Variants in OCA2 observed in about 807,000 individuals in gnomAD.
The protein encoded by OCA2 is P protein.
A neutral mutation model predicts 100.2 loss-of-function variants in OCA2; 77 were observed. The observed-to-expected ratio is 0.77, with a 90% CI of 0.64 to 0.93. OCA2 has a LOEUF of 0.93. Among genes scored for constraint, OCA2 ranks in the 40% least tolerant of loss-of-function variants. The pLI, the probability that OCA2 is intolerant of heterozygous loss-of-function variation, is 0.00. For missense variants in OCA2, 1,062 were observed against 1,089.1 expected (o/e 0.98, Z 0.35); for synonymous variants, 432 against 439.2 (o/e 0.98, Z 0.21).
chr15:28,004,652 A>G (rs905810031), intron 9 of OCA2, among the ~76,000 whole-genome samples: 12 of 151,694 alleles, frequency 7.9e-5, no homozygotes, highest in African/African-American at 2.9e-4. Context: ...GGTCTGACAC[A>G]CACCCTCACA....
Position 28,057,452 on chromosome 15 carries a change from C to A in OCA2, c.227+24196G>T, listed in dbSNP as rs563720853. ...CCATGCCCTTGTCAGGGTATCTGTG[C>A]CCCTGAGATGTCCTGGAGACCAGTG... is the stretch of plus-strand genomic sequence containing the variant. On this transcript the variant is annotated intron_variant, in intron 2 of 23. Transcript: ENST00000354638. Among the ~76,000 whole-genome samples, 137 of 152,188 alleles carry A rather than the reference C, an allele frequency of 9.0e-4. 1 individual carries two copies. The highest frequency in any genetic ancestry group is 3.2e-3 in the African/African-American group (133 of 41,526).
intron 14 of OCA2, among the ~76,000 whole-genome samples, chr15:27,981,257 T>C (rs1170407577): frequency 6.6e-6 from 1 of 152,248 alleles, no homozygotes; most frequent in Non-Finnish European, 1.5e-5. Context: ...AATAACACTT[T>C]TAATGTCCTA....
At chr15:27,760,512 C>A (rs1403969082) in intron 23 of OCA2, among the ~76,000 whole-genome samples, 1 of 150,962 alleles carries the variant, frequency 6.6e-6, no homozygotes, top group Non-Finnish European at 1.5e-5. Flanking sequence ...GGAGAAAAAC[C>A]AATGAAACAA....
chr15:27,868,225 G>A (rs898943964), intron 21 of OCA2, among the ~76,000 whole-genome samples: 5 of 152,148 alleles, frequency 3.3e-5, no homozygotes, highest in African/African-American at 4.8e-5. Flanking sequence ...CACCTGCAGC[G>A]GAAATCAGGC....
chr15:28,035,645 A>G (rs1595861642), intron 2 of OCA2, among the ~76,000 whole-genome samples: 1 of 152,352 alleles, frequency 6.6e-6, no homozygotes, highest in East Asian at 1.9e-4. Context: ...CTCTTCTGAA[A>G]AAAGAAATCC....
At chr15:27,941,622 T>C (rs977335720) in intron 18 of OCA2, among the ~76,000 whole-genome samples, 1 of 152,222 alleles carries the variant, frequency 6.6e-6, no homozygotes, top group East Asian at 1.9e-4. Flanking sequence ...TGGAGAATCA[T>C]GACCAACCCT....
intron 23 of OCA2, among the ~76,000 whole-genome samples, chr15:27,830,334 A>G (rs1230323102): frequency 6.6e-6 from 1 of 152,228 alleles, no homozygotes; most frequent in Non-Finnish European, 1.5e-5. Flanking sequence ...CATGTTTTAT[A>G]GGTGAGCTGC....
intron 23 of OCA2, among the ~76,000 whole-genome samples, chr15:27,795,547 C>T (rs2033294133): frequency 6.6e-6 from 1 of 152,236 alleles, no homozygotes. Flanking sequence ...CCCCCACTCT[C>T]ACCCTCTCTC....
chr15:28,037,045 T>C (rs72712656), intron 2 of OCA2, among the ~76,000 whole-genome samples: 7,988 of 152,176 alleles, frequency 0.052, 271 homozygotes, highest in Middle Eastern at 0.1. Flanking sequence ...TCAAGTCATA[T>C]GCAGGCTCTT....
At chr15:27,991,502 T>C (rs374846098) in intron 9 of OCA2, among the ~76,000 whole-genome samples, 1 of 152,200 alleles carries the variant, frequency 6.6e-6, no homozygotes, top group Non-Finnish European at 1.5e-5. Flanking sequence ...TCCATCTATA[T>C]GAACTTTCCA....
chr15:27,976,032 T>C (rs1366844145), intron 14 of OCA2, among the ~76,000 whole-genome samples: 1 of 124,456 alleles, frequency 8.0e-6, no homozygotes, highest in Non-Finnish European at 1.8e-5. Flanking sequence ...AGCATATGTT[T>C]TGTGCTACTG....
chr15:28,013,544 G>A (rs1463819795), intron 9 of OCA2, among the ~76,000 whole-genome samples: 1 of 152,154 alleles, frequency 6.6e-6, no homozygotes, highest in Non-Finnish European at 1.5e-5. Context: ...GGTAAGCTGA[G>A]GGTGACCATC....
intron 13 of OCA2, 119 bp from the exon 14 acceptor site, chr15:27,983,602 C>CACA: frequency 4.7e-6 from 5 of 1,067,376 alleles, no homozygotes; most frequent in Non-Finnish European, 7.1e-6. Context: ...CACACACACA[C>CACA]CCCTGTGGGG....
chr15:27,984,694 G>A (rs2041287398), intron 13 of OCA2, among the ~76,000 whole-genome samples: 1 of 152,198 alleles, frequency 6.6e-6, no homozygotes, highest in South Asian at 2.1e-4. Context: ...CCCAGTAGCT[G>A]GGATTACAGG....
At chr15:27,813,762 A>G (rs1498521) in intron 23 of OCA2, among the ~76,000 whole-genome samples, 89,685 of 152,008 alleles carry the variant, frequency 0.59, 26,883 homozygotes, top group South Asian at 0.77. Context: ...AGCAAATCCA[A>G]TGCATCTTCA....
At chr15:27,800,207 C>T (rs2033535860) in intron 23 of OCA2, among the ~76,000 whole-genome samples, 2 of 151,900 alleles carry the variant, frequency 1.3e-5, no homozygotes, top group South Asian at 2.1e-4. Flanking sequence ...TGTACTAAAG[C>T]GTTGCCGAGG....
intron 18 of OCA2, among the ~76,000 whole-genome samples, chr15:27,939,517 G>T (rs892646599): frequency 6.6e-6 from 1 of 152,122 alleles, no homozygotes; most frequent in African/African-American, 2.4e-5. Context: ...GATGACTTAC[G>T]AGGTTGAGCA....
chr15:27,827,422 T>C (rs6497242), intron 23 of OCA2, among the ~76,000 whole-genome samples: 76,766 of 151,940 alleles, frequency 0.51, 19,991 homozygotes, highest in South Asian at 0.76. Flanking sequence ...AAAGCAAATT[T>C]AGGACAACAC....
chr15:27,794,011 T>C (rs528847130), intron 23 of OCA2, among the ~76,000 whole-genome samples: 1 of 152,238 alleles, frequency 6.6e-6, no homozygotes, highest in East Asian at 1.9e-4. Flanking sequence ...GATGTCAGGG[T>C]TCTGCAGGCT....
Sources: gnomAD v4.1 joint callset for allele counts (sites outside exome capture counted in the v4.1 genomes callset) on GRCh38, gnomAD v4.1.1 for gene constraint, MANE v1.5 for transcripts, NCBI Gene and HGNC (gene_info 2026-07-23, HGNC 2026-07-21) for gene names.